The following FOXRED2 variants were observed in gnomAD, a reference collection of about 807,000 sequenced individuals.
The protein encoded by FOXRED2 is FAD dependent oxidoreductase domain containing 2.
Under a neutral mutation model 52.5 loss-of-function variants are expected in FOXRED2, and 32 were observed. The ratio of observed to expected loss-of-function variants is 0.61; its 90% CI spans 0.46 to 0.82. The LOEUF (loss-of-function observed/expected upper bound fraction) is 0.82, where lower values mean the gene tolerates loss of function less well. Ranked by LOEUF, FOXRED2 falls within the 40% of genes least tolerant of loss-of-function variation. The pLI, the probability that FOXRED2 is intolerant of heterozygous loss-of-function variation, is 0.00. For missense variants in FOXRED2, 848 were observed against 937.5 expected (o/e 0.90, Z 1.25); for synonymous variants, 405 against 398.1 (o/e 1.02, Z -0.21).
At position 36,495,959 on chromosome 22, in the gene FOXRED2, C is replaced by T; in HGVS notation, c.1624+8G>A. 6.2e-7 allele frequency: 1 copy of T among 1,612,842 alleles called. No homozygotes were observed. Among genetic ancestry groups the T allele is most frequent in the Non-Finnish European group, 8.5e-7 (1 of 1,178,868 alleles). Reference sequence around the variant, plus strand: ...CCACAGGTTGGGGAAGGGCAGAGACCTGCTCACCGGTGGGGAGGTATCTAT... The same window carrying T: ...CCACAGGTTGGGGAAGGGCAGAGACTTGCTCACCGGTGGGGAGGTATCTAT... On this transcript the variant is annotated splice_region_variant and intron_variant, in intron 7 of 8. Coordinates refer to ENST00000397224, the MANE Select transcript of FOXRED2 (RefSeq NM_001102371.2).
rs1395987549 is a variant in FOXRED2, at chr22:36,504,669, C to T, written c.625G>A (p.Glu209Lys). 4 of 1,614,220 alleles carry T rather than the reference C, an allele frequency of 2.5e-6. No homozygotes were observed. The highest frequency in any genetic ancestry group is 3.4e-6 in the Non-Finnish European group (4 of 1,180,040). Residue 209 changes from glutamate to lysine, a missense_variant, in exon 3 of 9, where the codon GAG becomes AAG. Physicochemically the swap from Glu to Lys is moderately conservative, Grantham distance 56. Coordinates refer to ENST00000397224, the MANE Select transcript of FOXRED2 (RefSeq NM_001102371.2). ...AGCACATTCTGGCCTACAAAGTCCT[C>T]AGGGTCCACGGACACGGACTCGTAA... ...EGYESVSVDP[E>K]DFVGQNVLIL... is the part of the protein sequence containing the mutation.
chr22:36,489,552 A>G lies in FOXRED2; in HGVS notation c.*456T>C, dbSNP rs2281084. 0.82 allele frequency: 125,004 copies of G among 153,106 alleles called. 52,526 individuals carry two copies. Among genetic ancestry groups the G allele is most frequent in the African/African-American group, 0.95 (39,576 of 41,600 alleles). The allele number at this position is 153,106 out of a possible 1,614,324, so 9.5% of individuals were successfully genotyped here. A position where few individuals can be genotyped will look rare whatever the true frequency, so the allele number is the denominator to read the frequency against. ...TCTGGGGCAACAATCCCACCTGCCC[A>G]TTGTGGTTGTTGAGGATATCAGAGC... On this transcript the variant is annotated 3_prime_UTR_variant, in exon 9 of 9. Transcript: ENST00000397224.
rs1186160808 is a variant in FOXRED2 at position 36,503,186 on chromosome 22, AC to A, written c.1049+911del. Among the ~76,000 whole-genome samples the A allele has an allele frequency of 8.0e-5, 12 of 150,538 alleles. No individual in the cohort carries two copies. The South Asian group carries it at 8.4e-4, about 11-fold the overall frequency. On this transcript the variant is annotated intron_variant, in intron 4 of 8. Transcript: ENST00000397224. ...GTATTTTTTGTAGAGGTGGGGTTTC[AC>A]CATGTTGTCCAGGCTAGTCTTGAAC...
chr22:36,490,250 C>T lies in FOXRED2; in HGVS notation c.1813G>A (p.Ala605Thr), dbSNP rs772371862. 25 of 1,609,180 alleles carry T rather than the reference C, an allele frequency of 1.6e-5. No homozygotes were observed. The highest frequency in any genetic ancestry group is 3.3e-5 in the South Asian group (3 of 90,734). ...SFYAESCFLF[A>T]LTRQKLPPFC... is the part of the protein sequence containing the mutation. ...GGTGGCAACTTCTGGCGCGTGAGGG[C>T]GAACAGGAAGCAGGACTCTACACAA... is the stretch of plus-strand genomic sequence containing the variant. Residue 605 changes from alanine (A) to threonine (T), a missense_variant, in exon 9 of 9, where the codon GCC becomes ACC. Transcript: ENST00000397224.
intron 2 of FOXRED2, among the ~76,000 whole-genome samples, chr22:36,505,643 T>G (rs1934169995): frequency 6.6e-6 from 1 of 152,050 alleles, no homozygotes; most frequent in South Asian, 2.1e-4. Context: ...TGGTGGTGCT[T>G]GCCTGTAATC....
intron 1 of FOXRED2, chr22:36,506,748 C>T (rs1934211640): frequency 3.5e-6 from 1 of 289,768 alleles, no homozygotes; most frequent in African/African-American, 2.2e-5. Flanking sequence ...GGGTGCCCAA[C>T]ACCCCTTTGA....
intron 6 of FOXRED2, among the ~76,000 whole-genome samples, chr22:36,497,293 T>C (rs1237581504): frequency 1.3e-5 from 2 of 151,576 alleles, no homozygotes; most frequent in Non-Finnish European, 2.9e-5. Context: ...CGAGCAGAGA[T>C]CGCACCACTG....
chr22:36,498,579 C>T (rs946054454), intron 5 of FOXRED2, among the ~76,000 whole-genome samples: 2 of 152,194 alleles, frequency 1.3e-5, no homozygotes, highest in African/African-American at 4.8e-5. Context: ...AAGTCCAACA[C>T]GGAGCCTTCC....
In FOXRED2 at chr22:36,506,432, G is replaced by T. The variant is rs1934202979; in HGVS notation, c.-1-9C>A. ...CAGCGGAGAGGCCCATCCTGCAGCAGATCAGAGGGGTAAGGCCTCGCACCC... is the reference window on the plus strand; with the variant it reads ...CAGCGGAGAGGCCCATCCTGCAGCATATCAGAGGGGTAAGGCCTCGCACCC... On this transcript the variant is annotated splice_polypyrimidine_tract_variant and intron_variant, in intron 1 of 8. Transcript: ENST00000397224. 2.8e-6 allele frequency: 4 copies of T among 1,431,284 alleles called. No homozygotes were observed. Among genetic ancestry groups the T allele is most frequent in the Non-Finnish European group, 2.7e-6 (3 of 1,097,122 alleles). The allele number at this position is 1,431,284 out of a possible 1,614,324, so 88.7% of individuals were successfully genotyped here.
chr22:36,491,394 GTTTCTT>G (rs1568986036), intron 8 of FOXRED2, among the ~76,000 whole-genome samples: 1 of 151,972 alleles, frequency 6.6e-6, no homozygotes, highest in African/African-American at 2.4e-5. Context: ...CACAGGAGTG[GTTTCTT>G]TTTCTTTTTT....
chr22:36,492,376 G>GGCA (rs1201898183), intron 8 of FOXRED2, among the ~76,000 whole-genome samples: 1 of 152,222 alleles, frequency 6.6e-6, no homozygotes, highest in African/African-American at 2.4e-5. Flanking sequence ...TCCAGTCCAA[G>GGCA]GCAGCAGCAC....
intron 8 of FOXRED2, 87 bp from the exon 9 acceptor site, chr22:36,490,354 GGGGCTTCACTGCA>G: frequency 7.0e-7 from 1 of 1,424,182 alleles, no homozygotes; most frequent in Non-Finnish European, 9.5e-7. Context: ...GCCAGGTGTG[GGGGCTTCACTGCA>G]GGCCTTGCCT....
intron 8 of FOXRED2, among the ~76,000 whole-genome samples, chr22:36,490,479 G>C (rs1402893095): frequency 6.6e-6 from 1 of 152,244 alleles, no homozygotes; most frequent in Non-Finnish European, 1.5e-5. Context: ...CTCCAGGGCA[G>C]GGGGCTGCCT....
chr22:36,498,914 A>G (rs1284891797), intron 5 of FOXRED2, among the ~76,000 whole-genome samples: 1 of 151,190 alleles, frequency 6.6e-6, no homozygotes, highest in Non-Finnish European at 1.5e-5. Context: ...AACCTGGAAT[A>G]AAGTCCACCT....
At chr22:36,494,159 C>T (rs1933832399) in intron 7 of FOXRED2, among the ~76,000 whole-genome samples, 1 of 152,192 alleles carries the variant, frequency 6.6e-6, no homozygotes, top group African/African-American at 2.4e-5. Context: ...CTCTATTGCC[C>T]AGGCTGTCAT....
At chr22:36,494,898 A>C (rs551294383) in intron 7 of FOXRED2, among the ~76,000 whole-genome samples, 2 of 151,318 alleles carry the variant, frequency 1.3e-5, no homozygotes, top group African/African-American at 2.4e-5. Context: ...CGGCCTCCCA[A>C]AATGCTGGGA....
Position 36,498,085 on chromosome 22 carries a change from T to A in FOXRED2, c.1288A>T (p.Thr430Ser), listed in dbSNP as rs1933950125. ...CGCACGATGGAGCTGGTCAGCTGTG[T>A]GATGGGGAGCTCAGTGGCGGGCCAG... ...VTWPATELPI[T>S]QLTSSIVRRV... The change falls in exon 6 of 9, where the codon ACA becomes TCA. Residue 430 changes from threonine (T) to serine (S), a missense_variant. By Grantham distance (58) the Thr-to-Ser change is moderately conservative. Coordinates refer to ENST00000397224, the MANE Select transcript of FOXRED2 (RefSeq NM_001102371.2). The A allele has an allele frequency of 6.2e-7, 1 of 1,613,766 alleles. No homozygotes were observed. Among genetic ancestry groups the A allele is most frequent in the South Asian group, 1.1e-5 (1 of 91,070 alleles).
At chr22:36,494,026 T>A (rs369844524) in intron 7 of FOXRED2, among the ~76,000 whole-genome samples, 3 of 152,190 alleles carry the variant, frequency 2.0e-5, no homozygotes, top group South Asian at 2.1e-4. Flanking sequence ...TTTTCCCTTG[T>A]GGTTTCGGAA....
Position 36,495,999 on chromosome 22 carries a change from G to T in FOXRED2, c.1592C>A (p.Pro531His). The T allele has an allele frequency of 1.2e-6, 2 of 1,614,218 alleles. No individual in the cohort carries two copies. The highest frequency in any genetic ancestry group is 2.2e-5 in the South Asian group (2 of 91,086). The change falls in exon 7 of 9, where the codon CCT becomes CAT. Residue 531 changes from proline (P) to histidine (H), a missense_variant. Physicochemically the swap from Pro to His is moderately conservative, Grantham distance 77 (BLOSUM62 -2). Transcript: ENST00000397224. ...GAGGTATCTATAGTAGTAGATGACA[G>T]GATGAAGAAAGTTAGACTGCCAGGC... is the stretch of plus-strand genomic sequence containing the variant. The part of the protein sequence containing the change: ...EDAWQSNFLH[P>H]VIYYYRYLPT...
Sources: gnomAD v4.1 joint callset for allele counts (sites outside exome capture counted in the v4.1 genomes callset) on GRCh38, gnomAD v4.1.1 for gene constraint, MANE v1.5 for transcripts, NCBI Gene and HGNC (gene_info 2026-07-23, HGNC 2026-07-21) for gene names.